HNRNPA1: variants seen among roughly 807,000 people sequenced by gnomAD.
The protein encoded by HNRNPA1 is epididymis secretory sperm binding protein.
HNRNPA1 carries 7 observed loss-of-function variants against 44.4 expected under a neutral mutation model. The observed-to-expected ratio is 0.16, with a 90% CI of 0.09 to 0.30. The LOEUF is 0.30. Ranked by LOEUF, HNRNPA1 falls within the 10% of genes least tolerant of loss-of-function variation. The probability of loss-of-function intolerance (pLI) is 1.00; values close to 1 mark genes in which losing one functional copy is unlikely to be tolerated. For missense variants in HNRNPA1, 193 were observed against 465.8 expected (o/e 0.41, Z 5.39); for synonymous variants, 169 against 160.6 (o/e 1.05, Z -0.40).
In HNRNPA1 at chr12:54,286,929, T is replaced by C. The variant is rs1324970889; in HGVS notation, c.*2385T>C. The C allele has an allele frequency of 6.6e-6, 1 of 152,228 alleles. No individual in the cohort carries two copies. Among genetic ancestry groups the C allele is most frequent in the East Asian group, 1.9e-4 (1 of 5,204 alleles). The allele number at this position is 152,228 out of a possible 1,614,324, so 9.4% of individuals were successfully genotyped here. A position where few individuals can be genotyped will look rare whatever the true frequency, so the allele number is the denominator to read the frequency against. On this transcript the variant is annotated 3_prime_UTR_variant, in exon 11 of 11. Transcript: ENST00000340913. ...TTCACCTCTGCTTATATGAATACTT[T>C]ACAACCTCTTTTGCCTTTTGCAGGA... is the stretch of plus-strand genomic sequence containing the variant.
chr12:54,281,281 A>G, intron 1 of HNRNPA1, 105 bp from the exon 2 acceptor site: 1 of 744,972 alleles, frequency 1.3e-6, no homozygotes, highest in East Asian at 2.4e-5. Context: ...GACCTGAACG[A>G]ACAATAAGTG....
At position 54,285,041 on chromosome 12, in the gene HNRNPA1, G is replaced by C. The variant is rs959362016; in HGVS notation, c.*497G>C. 1 of 187,890 alleles carries C rather than the reference G, an allele frequency of 5.3e-6. No individual in the cohort carries two copies. Among genetic ancestry groups the C allele is most frequent in the African/African-American group, 2.4e-5 (1 of 41,990 alleles). The allele number at this position is 187,890 out of a possible 1,614,324, so 11.6% of individuals were successfully genotyped here. On this transcript the variant is annotated 3_prime_UTR_variant, in exon 11 of 11. Transcript: ENST00000340913. ...TGTCTTCGGAAACCTTGGTGTAGTT[G>C]AACTGATAGTTACTGTTGTGACCTG...
rs73304514 is a variant in HNRNPA1, at chr12:54,283,469, T to C, written c.907+235T>C. On this transcript the variant is annotated intron_variant, in intron 8 of 10. Transcript: ENST00000340913. ...TTAGTATCATAGAAGGATTTAGTAT[T>C]TTAACTCCTTTGGGACCTTAGGCGC... Among the ~76,000 whole-genome samples, 979 of 152,296 alleles carry C rather than the reference T, an allele frequency of 6.4e-3. 12 individuals carry two copies. The highest frequency in any genetic ancestry group is 0.03 in the East Asian group (153 of 5,182).
chr12:54,282,350 A>C (rs1273233808), intron 4 of HNRNPA1, 44 bp from the exon 5 acceptor site: 1 of 1,610,540 alleles, frequency 6.2e-7, no homozygotes, highest in East Asian at 2.2e-5. Context: ...TCTGTATGGC[A>C]TTCTAAACCC....
At position 54,283,065 on chromosome 12, in the gene HNRNPA1, T is replaced by C. The variant is rs370873993; in HGVS notation, c.752-14T>C. On this transcript the variant is annotated splice_polypyrimidine_tract_variant and intron_variant, in intron 7 of 10. Coordinates refer to ENST00000340913, the MANE Select transcript of HNRNPA1 (RefSeq NM_031157.4). ...AATACTTTTGTCTTATTGAGAAGAA[T>C]TGTATTCTTGTAGGTGGTTATGGAG... The C allele has an allele frequency of 4.3e-6, 7 of 1,611,656 alleles. No homozygotes were observed. In the African/African-American group the frequency reaches 6.7e-5, roughly 15 times the overall value.
At chr12:54,283,294 G>A (rs1015512404) in intron 8 of HNRNPA1, 60 bp downstream of exon 8, 3 of 1,568,630 alleles carry the variant, frequency 1.9e-6, no homozygotes, top group Non-Finnish European at 1.7e-6. Flanking sequence ...TTAGAGCTTG[G>A]GTTCTGGTGC....
rs1286515197 is a variant in HNRNPA1 at position 54,286,493 on chromosome 12, C to T, written c.*1949C>T. ...TTTGTACTGTGAATATAAATTTTTGCCCTTTTATTTATCTTCCTTTGACCC... is the reference window on the plus strand; with the variant it reads ...TTTGTACTGTGAATATAAATTTTTGTCCTTTTATTTATCTTCCTTTGACCC... On this transcript the variant is annotated 3_prime_UTR_variant, in exon 11 of 11. Coordinates refer to ENST00000340913, the MANE Select transcript of HNRNPA1 (RefSeq NM_031157.4). 6.6e-6 allele frequency: 1 copy of T among 151,926 alleles called. No individual in the cohort carries two copies. The highest frequency in any genetic ancestry group is 6.6e-5 in the Admixed American group (1 of 15,244). The allele number at this position is 151,926 out of a possible 1,614,324, so 9.4% of individuals were successfully genotyped here.
chr12:54,281,982 G>A, intron 3 of HNRNPA1, 41 bp downstream of exon 3: 1 of 1,609,600 alleles, frequency 6.2e-7, no homozygotes, highest in East Asian at 2.2e-5. Context: ...AACTTACTTG[G>A]ATATGTGCTG....
chr12:54,281,490 C>T lies in HNRNPA1; in HGVS notation c.120C>T (p.Leu40=), dbSNP rs777342318. ...GCCATTTTGAGCAATGGGGAACGCT[C>T]ACGGACTGTGTGGTAAGATTTGGAA... ...LRSHFEQWGT[L]TDCVVMRDPN... is the part of the protein sequence containing the mutation. Residue 40 remains leucine (L), a synonymous_variant, in exon 2 of 11, where the codon CTC becomes CTT. Transcript: ENST00000340913. 2 of 1,607,170 alleles carry T rather than the reference C, an allele frequency of 1.2e-6. No individual in the cohort carries two copies. Among genetic ancestry groups the T allele is most frequent in the Non-Finnish European group, 1.7e-6 (2 of 1,175,096 alleles).
rs1047649051 is a variant in HNRNPA1 at position 54,286,329 on chromosome 12, C to A, written c.*1785C>A. On this transcript the variant is annotated 3_prime_UTR_variant, in exon 11 of 11. Transcript: ENST00000340913. ...TTACATCCATATAGTTACTTAAAGT[C>A]CAGTTTTCTGTTAAACATTTTTCTT... The A allele has an allele frequency of 6.6e-6, 1 of 152,104 alleles. No individual in the cohort carries two copies. The highest frequency in any genetic ancestry group is 2.4e-5 in the African/African-American group (1 of 41,394). 9.4% of individuals were successfully genotyped at this position (152,104 alleles called of 1,614,324 possible). A position where few individuals can be genotyped will look rare whatever the true frequency, so the allele number is the denominator to read the frequency against.
intron 7 of HNRNPA1, 55 bp downstream of exon 7, chr12:54,282,929 ATAGGTTAGTAGAGACTAAAATTC>A: frequency 6.6e-7 from 1 of 1,505,102 alleles, no homozygotes; most frequent in Non-Finnish European, 9.0e-7. Flanking sequence ...GATCTTTAGA[ATAGGTTAGTAGAGACTAAAATTC>A]TGGTGCATGT....
At position 54,286,344 on chromosome 12, in the gene HNRNPA1, A is replaced by G. The variant is rs1254952314; in HGVS notation, c.*1800A>G. On this transcript the variant is annotated 3_prime_UTR_variant, in exon 11 of 11. Transcript: ENST00000340913. ...TACTTAAAGTCCAGTTTTCTGTTAA[A>G]CATTTTTCTTAATATATTGAGCCAA... The G allele has an allele frequency of 1.3e-5, 2 of 152,270 alleles. No individual in the cohort carries two copies. Among genetic ancestry groups the G allele is most frequent in the East Asian group, 3.9e-4 (2 of 5,188 alleles). The allele number at this position is 152,270 out of a possible 1,614,324, so 9.4% of individuals were successfully genotyped here.
chr12:54,283,790 A>C (rs747022755), intron 8 of HNRNPA1, 22 bp from the exon 9 acceptor site: 25 of 1,611,400 alleles, frequency 1.6e-5, no homozygotes, highest in Non-Finnish European at 2.0e-5. Flanking sequence ...TAACAGATAA[A>C]GGCCCTCTTT....
intron 7 of HNRNPA1, 69 bp downstream of exon 7, chr12:54,282,943 A>G: frequency 6.7e-7 from 1 of 1,487,990 alleles, no homozygotes; most frequent in Non-Finnish European, 9.1e-7. Context: ...GTTAGTAGAG[A>G]CTAAAATTCT....
chr12:54,283,756 T>A (rs1944217855), intron 8 of HNRNPA1, 56 bp from the exon 9 acceptor site: 2 of 1,543,816 alleles, frequency 1.3e-6, no homozygotes, highest in South Asian at 2.2e-5. Flanking sequence ...CTAAACAGAA[T>A]TGGAAACTAA....
At chr12:54,283,745 G>A (rs1049223354) in intron 8 of HNRNPA1, 67 bp from the exon 9 acceptor site, 1 of 1,479,034 alleles carries the variant, frequency 6.8e-7, no homozygotes, top group African/African-American at 1.4e-5. Flanking sequence ...TATTCTGACT[G>A]CTAAACAGAA....
At chr12:54,281,295 G>T in intron 1 of HNRNPA1, 91 bp from the exon 2 acceptor site, 1 of 762,518 alleles carries the variant, frequency 1.3e-6, no homozygotes, top group South Asian at 1.5e-5. Context: ...ATAAGTGCTA[G>T]GTACACAGTT....
rs781444213 is a variant in HNRNPA1 at position 54,282,076 on chromosome 12, T to A, written c.280-14T>A. The stretch of plus-strand genomic sequence containing the variant: ...GGCTTTGCTAATCTAAACCTATGGT[T>A]TTTCTCCTATTAGGATTCTCAAAGA... On this transcript the variant is annotated splice_polypyrimidine_tract_variant and intron_variant, in intron 3 of 10. Transcript: ENST00000340913. The A allele has an allele frequency of 6.2e-7, 1 of 1,610,840 alleles. No individual in the cohort carries two copies. The highest frequency in any genetic ancestry group is 8.5e-7 in the Non-Finnish European group (1 of 1,177,688).
intron 1 of HNRNPA1, chr12:54,281,158 T>A (rs1395960927): frequency 4.3e-6 from 3 of 697,910 alleles, no homozygotes; most frequent in Admixed American, 2.0e-5. Flanking sequence ...CGCCCAAGCC[T>A]TTGTTGCGCG....
Sources: gnomAD v4.1 joint callset for allele counts (sites outside exome capture counted in the v4.1 genomes callset) on GRCh38, gnomAD v4.1.1 for gene constraint, MANE v1.5 for transcripts, NCBI Gene and HGNC (gene_info 2026-07-23, HGNC 2026-07-21) for gene names.